Variants in R3HDM1 observed in about 807,000 individuals in gnomAD.
The protein encoded by R3HDM1 is R3H domain containing 1, also known as R3H domain-containing protein 1.
A neutral mutation model predicts 141.1 loss-of-function variants in R3HDM1; 46 were observed. The observed-to-expected ratio is 0.33, with a 90% CI of 0.26 to 0.42. The LOEUF (loss-of-function observed/expected upper bound fraction) is 0.42. Among genes scored for constraint, R3HDM1 ranks in the 10% least tolerant of loss-of-function variants. The probability of loss-of-function intolerance (pLI) is 1.00; values close to 1 mark genes in which losing one functional copy is unlikely to be tolerated. For synonymous variants in R3HDM1, 435 were observed against 472.9 expected (o/e 0.92, Z 1.04); for missense variants, 1,184 against 1,368.3 (o/e 0.87, Z 2.12).
intron 1 of R3HDM1, among the ~76,000 whole-genome samples, chr2:135,531,919 C>T (rs1304263199): frequency 6.6e-6 from 1 of 152,214 alleles, no homozygotes; most frequent in African/African-American, 2.4e-5. Context: ...TTGTGCCCAC[C>T]GCCCCCACCC....
At chr2:135,659,580 C>T (rs551926641) in intron 18 of R3HDM1, among the ~76,000 whole-genome samples, 8 of 151,950 alleles carry the variant, frequency 5.3e-5, no homozygotes, top group East Asian at 1.9e-4. Flanking sequence ...GGACTACAGG[C>T]GTGTGCACCT....
chr2:135,695,038 C>G (rs557408582), intron 21 of R3HDM1, among the ~76,000 whole-genome samples: 2 of 152,272 alleles, frequency 1.3e-5, no homozygotes, highest in Non-Finnish European at 2.9e-5. Context: ...CTGTTTGGCT[C>G]TAAGCTTCCT....
intron 1 of R3HDM1, among the ~76,000 whole-genome samples, chr2:135,594,223 T>G (rs1004630782): frequency 2.0e-5 from 3 of 152,242 alleles, no homozygotes; most frequent in Non-Finnish European, 4.4e-5. Context: ...CATTAAGATA[T>G]ATGTATAGTT....
At chr2:135,707,954 TA>T in intron 21 of R3HDM1, among the ~76,000 whole-genome samples, 1 of 152,216 alleles carries the variant, frequency 6.6e-6, no homozygotes, top group South Asian at 2.1e-4. Flanking sequence ...TACTAATTCT[TA>T]TTAACTGTCA....
chr2:135,655,912 C>T (rs1484113076), intron 18 of R3HDM1, among the ~76,000 whole-genome samples: 1 of 151,954 alleles, frequency 6.6e-6, no homozygotes, highest in Non-Finnish European at 1.5e-5. Flanking sequence ...ATAGGTATTG[C>T]GTGGAATATG....
chr2:135,540,353 A>G (rs1214965008), intron 1 of R3HDM1, among the ~76,000 whole-genome samples: 1 of 152,198 alleles, frequency 6.6e-6, no homozygotes, highest in Non-Finnish European at 1.5e-5. Flanking sequence ...GATATTTTGT[A>G]ACTTCACAGA....
intron 23 of R3HDM1, among the ~76,000 whole-genome samples, chr2:135,711,323 A>G (rs1428782033): frequency 1.3e-5 from 2 of 152,244 alleles, no homozygotes; most frequent in Non-Finnish European, 2.9e-5. Context: ...CTCAAGAGGT[A>G]TAATATCAGA....
rs1375158916 is a variant in R3HDM1, at chr2:135,724,447, G to T, written c.*155G>T. 3.4e-6 allele frequency: 2 copies of T among 580,220 alleles called. No individual in the cohort carries two copies. The highest frequency in any genetic ancestry group is 5.9e-6 in the Non-Finnish European group (2 of 341,686). 35.9% of individuals were successfully genotyped at this position (580,220 alleles called of 1,614,324 possible). ...GAAGAAAGGCCAGTGATCCAGCAAA[G>T]GGGGAAAAATATGCATTTCACCCCA... On this transcript the variant is annotated 3_prime_UTR_variant, in exon 27 of 27. Transcript: ENST00000683871.
intron 1 of R3HDM1, among the ~76,000 whole-genome samples, chr2:135,537,844 T>G (rs765296217): frequency 1.6e-4 from 25 of 151,898 alleles, no homozygotes; most frequent in Non-Finnish European, 2.4e-4. Context: ...AAAAACGTTC[T>G]TGGGAAAGAT....
In R3HDM1 at chr2:135,641,703, G is replaced by C. The variant is rs1268959567; in HGVS notation, c.1387G>C (p.Val463Leu). Residue 463 changes from valine to leucine, a missense_variant, in exon 15 of 27, where the codon GTC (valine) becomes CTC (leucine). By Grantham distance (32) the Val-to-Leu change is conservative. Coordinates refer to ENST00000683871, the MANE Select transcript of R3HDM1 (RefSeq NM_001378107.1). Reference protein sequence around the residue: ...LSFDGGLNGQVASPSTSFFLL... With the variant: ...LSFDGGLNGQLASPSTSFFLL... ...CTTTGATGGTGGCCTAAATGGGCAAGTCGCATCTCCTAGCACTAGCTTCTT... is the reference window on the plus strand; with the variant it reads ...CTTTGATGGTGGCCTAAATGGGCAACTCGCATCTCCTAGCACTAGCTTCTT... The C allele has an allele frequency of 1.9e-6, 3 of 1,614,166 alleles. No individual in the cohort carries two copies. Among genetic ancestry groups the C allele is most frequent in the Non-Finnish European group, 2.5e-6 (3 of 1,180,026 alleles).
chr2:135,672,875 G>GT (rs1017615820), intron 19 of R3HDM1, among the ~76,000 whole-genome samples: 1 of 152,238 alleles, frequency 6.6e-6, no homozygotes, highest in African/African-American at 2.4e-5. Context: ...GGAGGCTGAG[G>GT]TGGGCGGATC....
At chr2:135,590,026 T>G (rs1192212324) in intron 1 of R3HDM1, among the ~76,000 whole-genome samples, 1 of 152,144 alleles carries the variant, frequency 6.6e-6, no homozygotes, top group Admixed American at 6.6e-5. Context: ...CACATGTGAT[T>G]GCTGCATTTC....
chr2:135,698,026 C>G (rs1242574136), intron 21 of R3HDM1, among the ~76,000 whole-genome samples: 3 of 140,960 alleles, frequency 2.1e-5, no homozygotes. Flanking sequence ...GCACTCCAGC[C>G]TGTGTGACAG....
At chr2:135,666,951 C>A in intron 19 of R3HDM1, 3 of 263,646 alleles carry the variant, frequency 1.1e-5, no homozygotes, top group Non-Finnish European at 1.7e-5. Context: ...ACTACCTTCA[C>A]AGTGCTTCTA....
intron 24 of R3HDM1, among the ~76,000 whole-genome samples, chr2:135,720,315 T>C (rs895747874): frequency 6.6e-6 from 1 of 152,196 alleles, no homozygotes; most frequent in African/African-American, 2.4e-5. Context: ...GGAAGGAGCC[T>C]TGTGGAATGG....
chr2:135,689,926 C>T (rs1191716587), intron 21 of R3HDM1, among the ~76,000 whole-genome samples: 1 of 151,822 alleles, frequency 6.6e-6, no homozygotes, highest in Admixed American at 6.6e-5. Context: ...TTCATTTTCA[C>T]TATTTTTATC....
chr2:135,597,765 T>C (rs1208535516), intron 1 of R3HDM1, among the ~76,000 whole-genome samples: 2 of 152,156 alleles, frequency 1.3e-5, no homozygotes, highest in African/African-American at 4.8e-5. Flanking sequence ...CCCCTAAATA[T>C]TTTTGTGAAG....
At chr2:135,674,360 G>T (rs1419203253) in intron 19 of R3HDM1, among the ~76,000 whole-genome samples, 1 of 152,158 alleles carries the variant, frequency 6.6e-6, no homozygotes, top group Non-Finnish European at 1.5e-5. Context: ...GTTAAAGTCT[G>T]TATAGGTGGT....
chr2:135,655,966 TC>T (rs2065830118), intron 18 of R3HDM1, among the ~76,000 whole-genome samples: 1 of 152,222 alleles, frequency 6.6e-6, no homozygotes. Context: ...TACTAAGTTT[TC>T]CAGTCTTAAA....
Sources: allele counts gnomAD v4.1 joint callset (sites outside exome capture counted in the v4.1 genomes callset), GRCh38; gene constraint gnomAD v4.1.1; transcripts MANE v1.5; gene names NCBI Gene and HGNC (gene_info 2026-07-23, HGNC 2026-07-21).